BRINP3: variants seen among roughly 807,000 people sequenced by gnomAD.
BRINP3 encodes BMP/retinoic acid-inducible neural-specific protein 3.
Under a neutral mutation model 71.0 loss-of-function variants are expected in BRINP3, and 19 were observed. That is an observed-to-expected ratio of 0.27 (90% CI 0.19 to 0.39). The LOEUF is 0.39. BRINP3 is among the 10% of genes least tolerant of loss of function. The pLI, the probability that BRINP3 is intolerant of heterozygous loss-of-function variation, is 1.00. For synonymous variants in BRINP3, 380 were observed against 337.7 expected (o/e 1.13, Z -1.37); for missense variants, 959 against 940.8 (o/e 1.02, Z -0.25).
chr1:190,359,933 T>C (rs913643527), intron 2 of BRINP3, among the ~76,000 whole-genome samples: 1 of 152,090 alleles, frequency 6.6e-6, no homozygotes, highest in African/African-American at 2.4e-5. Context: ...TCCTAATATA[T>C]GTGTGCGGGT....
At chr1:190,200,882 A>G (rs1654943704) in intron 6 of BRINP3, among the ~76,000 whole-genome samples, 1 of 152,168 alleles carries the variant, frequency 6.6e-6, no homozygotes, top group African/African-American at 2.4e-5. Flanking sequence ...AGGTGGACTT[A>G]TAAGTCCAAT....
At chr1:190,169,502 C>T (rs894661392) in intron 6 of BRINP3, among the ~76,000 whole-genome samples, 3 of 152,102 alleles carry the variant, frequency 2.0e-5, no homozygotes, top group African/African-American at 7.2e-5. Flanking sequence ...CTATCCAATC[C>T]GATGTCTTTA....
chr1:190,433,122 T>G (rs1209984078), intron 2 of BRINP3, among the ~76,000 whole-genome samples: 1 of 152,162 alleles, frequency 6.6e-6, no homozygotes, highest in African/African-American at 2.4e-5. Context: ...TGGAAGTTTT[T>G]AGTTTTGTTT....
At chr1:190,143,059 G>A (rs1367685304) in intron 7 of BRINP3, among the ~76,000 whole-genome samples, 7 of 152,096 alleles carry the variant, frequency 4.6e-5, no homozygotes, top group Non-Finnish European at 1.0e-4. Flanking sequence ...AAGTAAAGAT[G>A]ATTTGCAAGA....
intron 2 of BRINP3, among the ~76,000 whole-genome samples, chr1:190,327,416 C>T (rs1666680145): frequency 2.3e-5 from 3 of 130,500 alleles, no homozygotes; most frequent in Admixed American, 2.3e-4. Flanking sequence ...TCAAGAGACC[C>T]ATCTCACACA....
At chr1:190,407,779 T>C (rs1329599704) in intron 2 of BRINP3, among the ~76,000 whole-genome samples, 2 of 152,156 alleles carry the variant, frequency 1.3e-5, no homozygotes, top group Non-Finnish European at 2.9e-5. Context: ...CTGTAACAAA[T>C]TTATCTTGGA....
At chr1:190,335,169 A>G (rs1667208521) in intron 2 of BRINP3, among the ~76,000 whole-genome samples, 1 of 151,874 alleles carries the variant, frequency 6.6e-6, no homozygotes, top group Non-Finnish European at 1.5e-5. Context: ...ATCTTCATCA[A>G]TCTTGCCAAA....
chr1:190,406,803 ATTAT>A (rs1336967188), intron 2 of BRINP3, among the ~76,000 whole-genome samples: 1 of 152,092 alleles, frequency 6.6e-6, no homozygotes, highest in African/African-American at 2.4e-5. Context: ...TAATTATAAG[ATTAT>A]TTAATAATGA....
intron 7 of BRINP3, among the ~76,000 whole-genome samples, chr1:190,156,492 A>G (rs1028566606): frequency 1.3e-5 from 2 of 149,820 alleles, no homozygotes; most frequent in Non-Finnish European, 3.0e-5. Flanking sequence ...ACCATATTCT[A>G]CCCTCCTAGA....
chr1:190,371,700 T>C (rs1148615), intron 2 of BRINP3, among the ~76,000 whole-genome samples: 1 of 152,088 alleles, frequency 6.6e-6, no homozygotes, highest in South Asian at 2.1e-4. Context: ...TTCTAGTCCC[T>C]TGAGAAATGT....
At chr1:190,228,545 G>C (rs75565658) in intron 5 of BRINP3, among the ~76,000 whole-genome samples, 21,539 of 151,770 alleles carry the variant, frequency 0.14, 2,065 homozygotes, top group South Asian at 0.26. Context: ...GGTGAGTTCC[G>C]CTTTAGAAAC....
chr1:190,448,897 AC>A (rs2102600345), intron 2 of BRINP3, among the ~76,000 whole-genome samples: 1 of 152,028 alleles, frequency 6.6e-6, no homozygotes, highest in African/African-American at 2.4e-5. Flanking sequence ...GAAGCTTTTT[AC>A]ATTCACAAGT....
chr1:190,306,760 A>G (rs907948278), intron 2 of BRINP3, among the ~76,000 whole-genome samples: 12 of 151,964 alleles, frequency 7.9e-5, no homozygotes, highest in Non-Finnish European at 1.6e-4. Flanking sequence ...AGACACAAGA[A>G]TGAGGTTAAA....
intron 7 of BRINP3, among the ~76,000 whole-genome samples, chr1:190,113,878 A>G (rs1181123875): frequency 1.3e-5 from 2 of 152,146 alleles, no homozygotes; most frequent in South Asian, 2.1e-4. Flanking sequence ...TTTTTTCACT[A>G]ATAACGCAAA....
intron 2 of BRINP3, among the ~76,000 whole-genome samples, chr1:190,392,212 G>A (rs556768449): frequency 6.6e-6 from 1 of 151,612 alleles, no homozygotes; most frequent in Non-Finnish European, 1.5e-5. Flanking sequence ...TTCAACTAAA[G>A]TAATAAAATA....
At chr1:190,181,762 C>T (rs1012773309) in intron 6 of BRINP3, among the ~76,000 whole-genome samples, 1 of 151,970 alleles carries the variant, frequency 6.6e-6, no homozygotes, top group South Asian at 2.1e-4. Context: ...ATAATGTTTT[C>T]TTTGGCCACC....
chr1:190,377,982 A>G (rs985178601), intron 2 of BRINP3, among the ~76,000 whole-genome samples: 2 of 152,138 alleles, frequency 1.3e-5, no homozygotes, highest in Non-Finnish European at 2.9e-5. Context: ...ATATATCCAT[A>G]TCAAATACCC....
chr1:190,200,696 G>A (rs1046279809), intron 6 of BRINP3, among the ~76,000 whole-genome samples: 3 of 152,052 alleles, frequency 2.0e-5, no homozygotes, highest in African/African-American at 7.2e-5. Context: ...GGCCCGGTAG[G>A]AGATGATTGA....
chr1:190,250,024 C>T (rs1420918215), intron 4 of BRINP3, among the ~76,000 whole-genome samples: 1 of 151,782 alleles, frequency 6.6e-6, no homozygotes, highest in Non-Finnish European at 1.5e-5. Context: ...GGACAAATAT[C>T]AAATTAGTGT....
Sources: gnomAD v4.1 joint callset for allele counts (sites outside exome capture counted in the v4.1 genomes callset) on GRCh38, gnomAD v4.1.1 for gene constraint, MANE v1.5 for transcripts, NCBI Gene and HGNC (gene_info 2026-07-23, HGNC 2026-07-21) for gene names.